The following SLC26A5 variants were observed in gnomAD, a reference collection of about 807,000 sequenced individuals.
SLC26A5 encodes solute carrier family 26 member 5.
In SLC26A5, 51 loss-of-function variants were observed where a neutral mutation model predicts 81.0. The ratio of observed to expected loss-of-function variants is 0.63; its 90% CI spans 0.50 to 0.80. The LOEUF (loss-of-function observed/expected upper bound fraction) is 0.80. Ranked by LOEUF, SLC26A5 falls within the 30% of genes least tolerant of loss-of-function variation. The probability of loss-of-function intolerance (pLI) is 0.00; values close to 1 mark genes in which losing one functional copy is unlikely to be tolerated. For missense variants in SLC26A5, 771 were observed against 905.8 expected (o/e 0.85, Z 1.91); for synonymous variants, 325 against 332.8 (o/e 0.98, Z 0.25).
downstream of SLC26A5, among the ~76,000 whole-genome samples, chr7:103,371,857 A>T (rs934004049): frequency 2.0e-5 from 3 of 151,444 alleles, no homozygotes; most frequent in African/African-American, 7.3e-5. Flanking sequence ...CACCATGCCC[A>T]GCTCACTTTT....
Position 103,393,056 on chromosome 7 carries a change from G to C in SLC26A5, c.982C>G (p.Pro328Ala). ...VGTLPLGLLPPANPDTSLFHL... is the reference protein window; with the variant it reads ...VGTLPLGLLPAANPDTSLFHL... ...AAGAGGCTGGTGTCCGGATTGGCTG[G>C]AGGTAGCAGCCTGAAAAGTCAAGCT... Residue 328 changes from proline (P) to alanine (A), a missense_variant, in exon 10 of 20, where the codon CCA becomes GCA. By Grantham distance (27) the Pro-to-Ala change is conservative. Coordinates refer to ENST00000306312, the MANE Select transcript of SLC26A5 (RefSeq NM_198999.3). The C allele has an allele frequency of 6.2e-7, 1 of 1,613,984 alleles. No homozygotes were observed. The highest frequency in any genetic ancestry group is 8.5e-7 in the Non-Finnish European group (1 of 1,179,860).
intron 19 of SLC26A5, among the ~76,000 whole-genome samples, chr7:103,354,365 ATTTTTTTTTTT>A (rs752847513): frequency 1.5e-5 from 2 of 134,538 alleles, no homozygotes; most frequent in Non-Finnish European, 3.2e-5. Flanking sequence ...TTCACACACG[ATTTTTTTTTTT>A]TTTTTTTTTG....
intron 19 of SLC26A5, chr7:103,361,937 C>T (rs1323471268): frequency 6.3e-7 from 1 of 1,591,224 alleles, no homozygotes; most frequent in South Asian, 1.1e-5. Flanking sequence ...TTATTCTAAT[C>T]AAGCTTTTTG....
At chr7:103,417,168 G>A (rs972013097) in intron 4 of SLC26A5, among the ~76,000 whole-genome samples, 6 of 151,766 alleles carry the variant, frequency 4.0e-5, no homozygotes, top group Admixed American at 3.9e-4. Context: ...TCAAGAGATC[G>A]AGACCATCCT....
chr7:103,403,158 T>C (rs1002480708), intron 8 of SLC26A5, among the ~76,000 whole-genome samples: 2 of 152,240 alleles, frequency 1.3e-5, no homozygotes, highest in Admixed American at 6.5e-5. Flanking sequence ...AGCAGGTTTT[T>C]CAGTTTCCAT....
At chr7:103,395,500 T>G (rs925866861) in intron 9 of SLC26A5, among the ~76,000 whole-genome samples, 2 of 32,610 alleles carry the variant, frequency 6.1e-5, no homozygotes, top group African/African-American at 1.3e-4. Flanking sequence ...TATATATGTA[T>G]GTATATATAT....
At chr7:103,427,832 T>G (rs1268553972) in intron 2 of SLC26A5, among the ~76,000 whole-genome samples, 2 of 150,496 alleles carry the variant, frequency 1.3e-5, no homozygotes, top group African/African-American at 4.9e-5. Context: ...AACCACAATT[T>G]CCAGGCCTTC....
At chr7:103,362,835 C>A in intron 19 of SLC26A5, 1 of 1,130,786 alleles carries the variant, frequency 8.8e-7, no homozygotes, top group Non-Finnish European at 1.3e-6. Flanking sequence ...TCACTCTTGT[C>A]CAGGCTGGAG....
chr7:103,445,101 A>AT (rs775361386), intron 1 of SLC26A5: 3 of 152,196 alleles, frequency 2.0e-5, no homozygotes, highest in Non-Finnish European at 4.4e-5. Context: ...CAAAAAGTTG[A>AT]TATTTTTTGT....
intron 17 of SLC26A5, among the ~76,000 whole-genome samples, chr7:103,378,023 T>C (rs1821487553): frequency 6.6e-6 from 1 of 152,146 alleles, no homozygotes; most frequent in Non-Finnish European, 1.5e-5. Flanking sequence ...TTCTCCTCCT[T>C]TTTTTTCTTG....
chr7:103,444,778 A>G (rs986957728), intron 1 of SLC26A5, among the ~76,000 whole-genome samples: 3 of 152,210 alleles, frequency 2.0e-5, no homozygotes, highest in African/African-American at 4.8e-5. Flanking sequence ...TATGAGCTAT[A>G]GCAACCTTAC....
At chr7:103,376,629 T>C (rs537443632) in intron 19 of SLC26A5, among the ~76,000 whole-genome samples, 179 bp downstream of exon 19, 2 of 152,172 alleles carry the variant, frequency 1.3e-5, no homozygotes, top group Non-Finnish European at 2.9e-5. Context: ...ACAAGTAACT[T>C]GTAATATGAA....
intron 11 of SLC26A5, among the ~76,000 whole-genome samples, 200 bp downstream of exon 11, chr7:103,391,422 A>G (rs1280319930): frequency 6.6e-6 from 1 of 152,192 alleles, no homozygotes; most frequent in Non-Finnish European, 1.5e-5. Flanking sequence ...ATGTAACTGG[A>G]GAATATACCT....
intron 4 of SLC26A5, among the ~76,000 whole-genome samples, chr7:103,414,510 G>A (rs1824760516): frequency 6.6e-6 from 1 of 152,072 alleles, no homozygotes; most frequent in African/African-American, 2.4e-5. Flanking sequence ...ATTCAGTTGG[G>A]ATCATACAGT....
intron 19 of SLC26A5, among the ~76,000 whole-genome samples, chr7:103,374,984 C>T (rs1460203631): frequency 6.8e-6 from 1 of 147,254 alleles, no homozygotes; most frequent in Non-Finnish European, 1.5e-5. Context: ...CCCAAAACAG[C>T]ATATTTTATA....
chr7:103,409,374 C>T (rs1298617518), intron 7 of SLC26A5, among the ~76,000 whole-genome samples: 3 of 152,240 alleles, frequency 2.0e-5, no homozygotes, highest in Admixed American at 6.5e-5. Flanking sequence ...AGTACTTCTA[C>T]TGTCAATTAA....
chr7:103,378,940 C>T (rs970211840), intron 16 of SLC26A5, among the ~76,000 whole-genome samples: 1 of 151,962 alleles, frequency 6.6e-6, no homozygotes, highest in Non-Finnish European at 1.5e-5. Flanking sequence ...AATAAGAAAC[C>T]TAAAATTATT....
intron 19 of SLC26A5, chr7:103,354,001 G>A: frequency 1.4e-6 from 2 of 1,452,336 alleles, no homozygotes; most frequent in Non-Finnish European, 1.9e-6. Context: ...GTTTTATGTT[G>A]AAATAAAAAC....
intron 8 of SLC26A5, among the ~76,000 whole-genome samples, chr7:103,401,769 C>T (rs917963708): frequency 6.6e-6 from 1 of 152,110 alleles, no homozygotes; most frequent in Non-Finnish European, 1.5e-5. Flanking sequence ...GCTTGAAGGG[C>T]TGTTGAATTT....
Sources: allele counts gnomAD v4.1 joint callset (sites outside exome capture counted in the v4.1 genomes callset), GRCh38; gene constraint gnomAD v4.1.1; transcripts MANE v1.5; gene names NCBI Gene and HGNC (gene_info 2026-07-23, HGNC 2026-07-21).